The following CDH18 variants were observed in gnomAD, a reference collection of about 807,000 sequenced individuals.
The protein encoded by CDH18 is cadherin 18, also known as cadherin-18.
In CDH18, 31 loss-of-function variants were observed where a neutral mutation model predicts 67.9. The observed-to-expected ratio is 0.46, with a 90% CI of 0.34 to 0.62. The LOEUF (loss-of-function observed/expected upper bound fraction) is 0.62. Ranked by LOEUF, CDH18 falls within the 20% of genes least tolerant of loss-of-function variation. The probability of loss-of-function intolerance (pLI) is 0.01; values close to 1 mark genes in which losing one functional copy is unlikely to be tolerated. For missense variants in CDH18, 890 were observed against 975.5 expected (o/e 0.91, Z 1.17); for synonymous variants, 362 against 347.2 (o/e 1.04, Z -0.48).
At chr5:19,761,451 T>C (rs1284660749) in intron 3 of CDH18, among the ~76,000 whole-genome samples, 1 of 152,188 alleles carries the variant, frequency 6.6e-6, no homozygotes, top group Non-Finnish European at 1.5e-5. Flanking sequence ...TTATTTTGCA[T>C]AACTCTCTAA....
chr5:20,248,195 A>G (rs1276214089), intron 2 of CDH18, among the ~76,000 whole-genome samples: 1 of 152,240 alleles, frequency 6.6e-6, no homozygotes, highest in Non-Finnish European at 1.5e-5. Flanking sequence ...TGATAGATTT[A>G]CTGCTGACTG....
At chr5:20,240,244 A>C (rs1742794921) in intron 2 of CDH18, among the ~76,000 whole-genome samples, 1 of 150,504 alleles carries the variant, frequency 6.6e-6, no homozygotes, top group Non-Finnish European at 1.5e-5. Context: ...TTAATACATT[A>C]GTTTTTATCA....
In CDH18 at chr5:19,473,286, T is replaced by C. The variant is rs376949754; in HGVS notation, c.2313A>G (p.Gly771=). The part of the protein sequence containing the change: ...DQDYHYLGDW[G]PEFKKLAELY... ...GTTCAGCTAACTTTTTAAACTCGGGTCCCCAGTCTCCAAGGTAGTGATAAT... is the reference window on the plus strand; with the variant it reads ...GTTCAGCTAACTTTTTAAACTCGGGCCCCCAGTCTCCAAGGTAGTGATAAT... The change falls in exon 13 of 13, where the codon GGA becomes GGG. Residue 771 remains glycine, a synonymous_variant. Coordinates refer to ENST00000382275, the MANE Select transcript of CDH18 (RefSeq NM_004934.5). 9.9e-6 allele frequency: 16 copies of C among 1,613,666 alleles called. No individual in the cohort carries two copies. In the African/African-American group the frequency reaches 2.0e-4, roughly 20 times the overall value.
At chr5:19,645,573 T>C (rs1351744288) in intron 5 of CDH18, among the ~76,000 whole-genome samples, 2 of 152,206 alleles carry the variant, frequency 1.3e-5, no homozygotes, top group Non-Finnish European at 2.9e-5. Flanking sequence ...GGCTAAGCTG[T>C]TTTGTAAAGA....
At chr5:19,863,456 C>A (rs1312730420) in intron 2 of CDH18, among the ~76,000 whole-genome samples, 2 of 152,166 alleles carry the variant, frequency 1.3e-5, no homozygotes, top group Non-Finnish European at 2.9e-5. Flanking sequence ...TACTTAATAT[C>A]TAGATTGTCA....
chr5:19,686,601 C>G (rs989221610), intron 5 of CDH18, among the ~76,000 whole-genome samples: 21 of 152,060 alleles, frequency 1.4e-4, no homozygotes, highest in African/African-American at 4.8e-4. Context: ...CTGTGTTCAC[C>G]TAGTGTTTCT....
intron 2 of CDH18, among the ~76,000 whole-genome samples, chr5:19,924,197 A>C (rs540261555): frequency 1.3e-5 from 2 of 152,308 alleles, no homozygotes; most frequent in South Asian, 4.1e-4. Context: ...GTAAGCTTTG[A>C]GAGTCATGCT....
At chr5:20,231,103 G>A (rs931686131) in intron 2 of CDH18, among the ~76,000 whole-genome samples, 12 of 152,222 alleles carry the variant, frequency 7.9e-5, no homozygotes, top group African/African-American at 2.2e-4. Flanking sequence ...GCTACTATAC[G>A]TTGAAATCTG....
chr5:19,773,311 A>G (rs968852509), intron 3 of CDH18, among the ~76,000 whole-genome samples: 1 of 152,202 alleles, frequency 6.6e-6, no homozygotes, highest in African/African-American at 2.4e-5. Context: ...TTTGTAGTTT[A>G]AAGTTTTTAT....
At chr5:19,765,448 G>T (rs2149719034) in intron 3 of CDH18, among the ~76,000 whole-genome samples, 1 of 151,670 alleles carries the variant, frequency 6.6e-6, no homozygotes, top group South Asian at 2.1e-4. Flanking sequence ...TTTGTTTGGG[G>T]ATTTCTCATC....
At chr5:19,641,312 G>T (rs1415520698) in intron 5 of CDH18, among the ~76,000 whole-genome samples, 1 of 151,878 alleles carries the variant, frequency 6.6e-6, no homozygotes, top group Non-Finnish European at 1.5e-5. Flanking sequence ...AATAACAGAA[G>T]AAATAGGAAC....
At chr5:19,988,753 A>G (rs1407218052), upstream of CDH18, among the ~76,000 whole-genome samples, 5 of 152,108 alleles carry the variant, frequency 3.3e-5, no homozygotes, top group African/African-American at 1.2e-4. Flanking sequence ...ACAGCCTGCT[A>G]AACATTCAAC....
chr5:19,506,598 A>G (rs1219289630), intron 10 of CDH18, among the ~76,000 whole-genome samples: 1 of 152,142 alleles, frequency 6.6e-6, no homozygotes, highest in African/African-American at 2.4e-5. Context: ...CCTCAGAAAT[A>G]ATGCTGCATA....
intron 2 of CDH18, among the ~76,000 whole-genome samples, chr5:20,103,110 T>C (rs1419454533): frequency 2.6e-5 from 4 of 152,196 alleles, no homozygotes; most frequent in African/African-American, 9.6e-5. Context: ...ACAAATTCCA[T>C]GCTTGCTTTG....
At chr5:20,175,272 A>T (rs1249503015) in intron 2 of CDH18, among the ~76,000 whole-genome samples, 4 of 152,142 alleles carry the variant, frequency 2.6e-5, no homozygotes, top group African/African-American at 4.8e-5. Context: ...ATTCCAGATC[A>T]GGTGCTAAAA....
intron 2 of CDH18, among the ~76,000 whole-genome samples, chr5:20,028,280 A>G (rs1739093345): frequency 6.6e-6 from 1 of 152,136 alleles, no homozygotes; most frequent in African/African-American, 2.4e-5. Context: ...GAAAACATTA[A>G]ATTGTTTAGC....
intron 2 of CDH18, among the ~76,000 whole-genome samples, chr5:20,151,025 T>A (rs1751053420): frequency 6.6e-6 from 1 of 151,036 alleles, no homozygotes; most frequent in Admixed American, 6.6e-5. Context: ...TTATTTCAAT[T>A]TTTTTTTTAG....
chr5:20,092,620 A>G (rs1745541823), intron 2 of CDH18, among the ~76,000 whole-genome samples: 1 of 152,136 alleles, frequency 6.6e-6, no homozygotes, highest in Non-Finnish European at 1.5e-5. Flanking sequence ...GAAAATATAT[A>G]TGTGTATTTT....
chr5:20,301,140 A>G (rs1160744257), intron 1 of CDH18, among the ~76,000 whole-genome samples: 1 of 152,126 alleles, frequency 6.6e-6, no homozygotes, highest in East Asian at 1.9e-4. Context: ...GCTTCCTTAC[A>G]AGGTCAGAGC....
Sources: allele counts gnomAD v4.1 joint callset (sites outside exome capture counted in the v4.1 genomes callset), GRCh38; gene constraint gnomAD v4.1.1; transcripts MANE v1.5; gene names NCBI Gene and HGNC (gene_info 2026-07-23, HGNC 2026-07-21).